Variants in UBE2D1 observed in about 807,000 individuals in gnomAD.
UBE2D1 encodes the protein ubiquitin-conjugating enzyme E2 D1.
Under a neutral mutation model 24.6 loss-of-function variants are expected in UBE2D1, and 9 were observed. The ratio of observed to expected loss-of-function variants is 0.37; its 90% CI spans 0.22 to 0.64. The LOEUF (loss-of-function observed/expected upper bound fraction) is 0.64. UBE2D1 is among the 30% of genes least tolerant of loss of function. The pLI is 0.64. For missense variants in UBE2D1, 87 were observed against 177.1 expected (o/e 0.49, Z 2.89); for synonymous variants, 57 against 57.6 (o/e 0.99, Z 0.04).
chr10:58,353,148 A>G (rs903857063), intron 1 of UBE2D1, among the ~76,000 whole-genome samples: 1 of 152,214 alleles, frequency 6.6e-6, no homozygotes, highest in Admixed American at 6.5e-5. Flanking sequence ...AATGTGCCTG[A>G]CCAGTGATTT....
At chr10:58,349,335 A>G (rs1215848676) in intron 1 of UBE2D1, among the ~76,000 whole-genome samples, 1 of 152,190 alleles carries the variant, frequency 6.6e-6, no homozygotes, top group Non-Finnish European at 1.5e-5. Context: ...TACTTTCACC[A>G]GTTTGATGAT....
chr10:58,361,232 T>G, intron 1 of UBE2D1, 106 bp from the exon 2 acceptor site: 1 of 1,127,426 alleles, frequency 8.9e-7, no homozygotes, highest in Non-Finnish European at 1.3e-6. Context: ...TGAATAGAAC[T>G]GCTTTAAATG....
At chr10:58,335,657 G>A (rs1349322396) in intron 1 of UBE2D1, among the ~76,000 whole-genome samples, 1 of 152,222 alleles carries the variant, frequency 6.6e-6, no homozygotes, top group African/African-American at 2.4e-5. Flanking sequence ...CTCCCCGGGA[G>A]GGCAAGGAAG....
chr10:58,337,128 A>G (rs1024553800), intron 1 of UBE2D1, among the ~76,000 whole-genome samples: 2 of 124,036 alleles, frequency 1.6e-5, no homozygotes, highest in African/African-American at 7.3e-5. Flanking sequence ...ATTAGTTTAT[A>G]GAATTGTTGA....
At chr10:58,335,672 G>C (rs1055399943) in intron 1 of UBE2D1, among the ~76,000 whole-genome samples, 1 of 152,232 alleles carries the variant, frequency 6.6e-6, no homozygotes, top group Admixed American at 6.5e-5. Flanking sequence ...AGGAAGGTGG[G>C]GTGGGCCTGC....
chr10:58,338,647 C>A (rs1305453392), intron 1 of UBE2D1, among the ~76,000 whole-genome samples: 1 of 151,562 alleles, frequency 6.6e-6, no homozygotes, highest in Non-Finnish European at 1.5e-5. Context: ...ATCCCAATAC[C>A]AAATGTTTTG....
chr10:58,363,769 C>T, intron 4 of UBE2D1, 83 bp downstream of exon 4: 1 of 1,011,090 alleles, frequency 9.9e-7, no homozygotes, highest in African/African-American at 1.6e-5. Context: ...ATCTAGAGCT[C>T]ATTTGATATG....
intron 1 of UBE2D1, among the ~76,000 whole-genome samples, chr10:58,344,359 C>T (rs190589363): frequency 6.6e-6 from 1 of 152,254 alleles, no homozygotes; most frequent in African/African-American, 2.4e-5. Flanking sequence ...GATGGTCTGT[C>T]CCTTTGTCCT....
At chr10:58,348,982 G>C (rs1840044788) in intron 1 of UBE2D1, among the ~76,000 whole-genome samples, 1 of 152,132 alleles carries the variant, frequency 6.6e-6, no homozygotes, top group South Asian at 2.1e-4. Context: ...CATATTGTGG[G>C]GGTGTTATAA....
At chr10:58,335,514 C>A (rs1320904506) in intron 1 of UBE2D1, among the ~76,000 whole-genome samples, 1 of 152,248 alleles carries the variant, frequency 6.6e-6, no homozygotes, top group Admixed American at 6.5e-5. Context: ...GCGTCCAGAC[C>A]GTCCCGAAAT....
chr10:58,340,575 TA>T, intron 1 of UBE2D1, among the ~76,000 whole-genome samples: 1 of 152,326 alleles, frequency 6.6e-6, no homozygotes, highest in Non-Finnish European at 1.5e-5. Flanking sequence ...ACACTTCACT[TA>T]AAATGTCAAA....
At chr10:58,346,522 A>G (rs896776742) in intron 1 of UBE2D1, among the ~76,000 whole-genome samples, 8 of 152,186 alleles carry the variant, frequency 5.3e-5, no homozygotes, top group Non-Finnish European at 5.9e-5. Context: ...AGATAAAATG[A>G]AAGAATGAGG....
At position 58,368,036 on chromosome 10, in the gene UBE2D1, A is replaced by T; in HGVS notation, c.398+20A>T. On this transcript the variant is annotated intron_variant, in intron 6 of 6. Coordinates refer to ENST00000373910, the MANE Select transcript of UBE2D1 (RefSeq NM_003338.5). ...AGAAAAGTAAGTGTTTACTTATTTTAGTTTCTGTATGGATACATTCCTATA... is the reference window on the plus strand; with the variant it reads ...AGAAAAGTAAGTGTTTACTTATTTTTGTTTCTGTATGGATACATTCCTATA... 6.4e-7 allele frequency: 1 copy of T among 1,552,480 alleles called. No individual in the cohort carries two copies. The highest frequency in any genetic ancestry group is 8.9e-7 in the Non-Finnish European group (1 of 1,126,434).
chr10:58,345,668 A>G (rs1840007873), intron 1 of UBE2D1, among the ~76,000 whole-genome samples: 2 of 152,232 alleles, frequency 1.3e-5, no homozygotes, highest in African/African-American at 4.8e-5. Context: ...CAATATATTT[A>G]AACAGGAAGG....
At chr10:58,368,649 T>C (rs954482977) in intron 6 of UBE2D1, 71 bp from the exon 7 acceptor site, 3 of 1,127,876 alleles carry the variant, frequency 2.7e-6, no homozygotes, top group Admixed American at 5.1e-5. Flanking sequence ...GAATATATAG[T>C]TTTATTAGAC....
At chr10:58,359,807 C>T (rs1026160210) in intron 1 of UBE2D1, among the ~76,000 whole-genome samples, 1 of 152,150 alleles carries the variant, frequency 6.6e-6, no homozygotes. Flanking sequence ...TGTTAGCTGT[C>T]CCTAATCTTC....
At chr10:58,358,257 C>G (rs1840154547) in intron 1 of UBE2D1, among the ~76,000 whole-genome samples, 1 of 152,114 alleles carries the variant, frequency 6.6e-6, no homozygotes, top group Non-Finnish European at 1.5e-5. Context: ...ACTACAGAGA[C>G]TATCATTTTC....
intron 1 of UBE2D1, 85 bp downstream of exon 1, chr10:58,335,310 G>C: frequency 7.2e-7 from 1 of 1,389,464 alleles, no homozygotes; most frequent in Non-Finnish European, 9.5e-7. Context: ...GAGACATGCG[G>C]GGAGAGCAAG....
intron 1 of UBE2D1, among the ~76,000 whole-genome samples, chr10:58,339,225 C>T (rs1446703616): frequency 3.3e-5 from 5 of 152,108 alleles, no homozygotes; most frequent in Admixed American, 3.3e-4. Flanking sequence ...CCCACCTCAG[C>T]CTCCTGAGTA....
Sources: gnomAD v4.1 joint callset for allele counts (sites outside exome capture counted in the v4.1 genomes callset) on GRCh38, gnomAD v4.1.1 for gene constraint, MANE v1.5 for transcripts, NCBI Gene and HGNC (gene_info 2026-07-23, HGNC 2026-07-21) for gene names.